The following TRAM2 variants were observed in gnomAD, a reference collection of about 807,000 sequenced individuals.
TRAM2 encodes the protein translocating chain-associated membrane protein 2.
Under a neutral mutation model 51.0 loss-of-function variants are expected in TRAM2, and 12 were observed. The ratio of observed to expected loss-of-function variants is 0.24; its 90% CI spans 0.15 to 0.38. The LOEUF (loss-of-function observed/expected upper bound fraction) is 0.38. TRAM2 is among the 10% of genes least tolerant of loss of function. The pLI, the probability that TRAM2 is intolerant of heterozygous loss-of-function variation, is 1.00. For missense variants in TRAM2, 361 were observed against 462.0 expected (o/e 0.78, Z 2.00); for synonymous variants, 175 against 179.4 (o/e 0.98, Z 0.20).
chr6:52,518,361 G>A (rs80015333), intron 2 of TRAM2, among the ~76,000 whole-genome samples: 4,808 of 152,310 alleles, frequency 0.032, 109 homozygotes, highest in Non-Finnish European at 0.051. Flanking sequence ...GGTGAGCGGC[G>A]GGCTGCTGTG....
chr6:52,509,492 C>A, intron 5 of TRAM2, 36 bp downstream of exon 5: 1 of 1,607,296 alleles, frequency 6.2e-7, no homozygotes, highest in South Asian at 1.1e-5. Flanking sequence ...TGGGCCCGGT[C>A]GCTCCTCCCT....
chr6:52,507,685 G>A (rs999114332), intron 6 of TRAM2, 62 bp from the exon 7 acceptor site: 43 of 1,545,284 alleles, frequency 2.8e-5, no homozygotes, highest in Non-Finnish European at 3.7e-5. Flanking sequence ...TCAGGGAAGG[G>A]GGAAAAGTGC....
chr6:52,515,939 A>C, intron 4 of TRAM2, 67 bp downstream of exon 4: 1 of 1,372,074 alleles, frequency 7.3e-7, no homozygotes, highest in South Asian at 1.2e-5. Context: ...TTTGATTAGC[A>C]ATCCCAGAGC....
At chr6:52,541,455 T>C (rs1321982074) in intron 1 of TRAM2, among the ~76,000 whole-genome samples, 1 of 152,182 alleles carries the variant, frequency 6.6e-6, no homozygotes, top group Non-Finnish European at 1.5e-5. Flanking sequence ...AAGGTAAACT[T>C]TACCTGATTC....
chr6:52,552,786 A>G (rs547833487), intron 1 of TRAM2, among the ~76,000 whole-genome samples: 73 of 152,242 alleles, frequency 4.8e-4, no homozygotes, highest in Middle Eastern at 3.4e-3. Flanking sequence ...ATCTTTACCT[A>G]CATAGTGCAT....
chr6:52,504,298 C>T (rs1204360947), intron 10 of TRAM2, among the ~76,000 whole-genome samples: 1 of 152,194 alleles, frequency 6.6e-6, no homozygotes, highest in Non-Finnish European at 1.5e-5. Context: ...CCAGAAGCCA[C>T]CCTGAGGACA....
chr6:52,505,761 G>A lies in TRAM2; in HGVS notation c.732-19C>T. 6.3e-7 allele frequency: 1 copy of A among 1,590,248 alleles called. No homozygotes were observed. Among genetic ancestry groups the A allele is most frequent in the Non-Finnish European group, 8.6e-7 (1 of 1,166,688 alleles). On this transcript the variant is annotated intron_variant, in intron 8 of 10. Transcript: ENST00000182527. ...ACTGAACCTGCTCACAGAGGCAGAA[G>A]AGGGATGTCAGTCTTTAGCGCCCTT...
intron 7 of TRAM2, among the ~76,000 whole-genome samples, chr6:52,506,662 G>A (rs186902117): frequency 1.2e-4 from 19 of 152,230 alleles, no homozygotes; most frequent in South Asian, 2.1e-4. Context: ...TCTTAGACCC[G>A]TTATGCATGT....
chr6:52,503,482 A>T (rs1363124181), intron 10 of TRAM2, among the ~76,000 whole-genome samples: 1 of 151,984 alleles, frequency 6.6e-6, no homozygotes, highest in East Asian at 1.9e-4. Flanking sequence ...GCCCTGGACT[A>T]GTGGCCCTGT....
intron 6 of TRAM2, 76 bp from the exon 7 acceptor site, chr6:52,507,699 G>A (rs545720383): frequency 1.4e-6 from 2 of 1,468,694 alleles, no homozygotes; most frequent in East Asian, 2.3e-5. Flanking sequence ...AAAGTGCAGG[G>A]GGATGAGAGA....
chr6:52,557,201 A>G (rs540189890), intron 1 of TRAM2, among the ~76,000 whole-genome samples: 6 of 152,224 alleles, frequency 3.9e-5, no homozygotes, highest in Admixed American at 2.6e-4. Flanking sequence ...TCAAAAAAAA[A>G]AGATATGTCT....
At position 52,503,290 on chromosome 6, in the gene TRAM2, A is replaced by G. The variant is rs1177573056; in HGVS notation, c.1040-20T>C. The G allele has an allele frequency of 1.9e-6, 3 of 1,609,666 alleles. No homozygotes were observed. Among genetic ancestry groups the G allele is most frequent in the East Asian group, 2.2e-5 (1 of 44,850 alleles). On this transcript the variant is annotated intron_variant, in intron 10 of 10. Transcript: ENST00000182527. ...GGTAACCTGGGAAGTGGAGAGAGACAAGCATACATGGTGTTTCTGCTGGAG... is the reference window on the plus strand; with the variant it reads ...GGTAACCTGGGAAGTGGAGAGAGACGAGCATACATGGTGTTTCTGCTGGAG...
chr6:52,547,145 G>A (rs1197439243), intron 1 of TRAM2, among the ~76,000 whole-genome samples: 1 of 152,240 alleles, frequency 6.6e-6, no homozygotes, highest in African/African-American at 2.4e-5. Context: ...GGGAGCTAGA[G>A]AGGAGTGGAC....
chr6:52,506,235 G>T, intron 7 of TRAM2, 99 bp from the exon 8 acceptor site: 1 of 1,115,742 alleles, frequency 9.0e-7, no homozygotes, highest in South Asian at 1.3e-5. Flanking sequence ...GCCTGGCTGG[G>T]CTCTGCTTTC....
intron 1 of TRAM2, among the ~76,000 whole-genome samples, chr6:52,547,070 G>A (rs1410529526): frequency 6.6e-6 from 1 of 152,188 alleles, no homozygotes; most frequent in Non-Finnish European, 1.5e-5. Context: ...TGGAGTGGGA[G>A]TGTGGAGACA....
At chr6:52,540,696 C>T (rs141839251) in intron 1 of TRAM2, among the ~76,000 whole-genome samples, 107 of 152,326 alleles carry the variant, frequency 7.0e-4, no homozygotes, top group African/African-American at 2.4e-3. Flanking sequence ...GTTCCTGTAG[C>T]ACACAGGGCT....
At chr6:52,562,664 C>A (rs1051503212) in intron 1 of TRAM2, among the ~76,000 whole-genome samples, 1 of 152,122 alleles carries the variant, frequency 6.6e-6, no homozygotes, top group East Asian at 1.9e-4. Flanking sequence ...CACCCATCAA[C>A]CTGTCACCTA....
In TRAM2 at chr6:52,499,535, T is replaced by A. The variant is rs532277966; in HGVS notation, c.*3662A>T. ...TTCCAATTAAAGCATCCATGGAAGA[T>A]AAGAATTTTGTTGTGGAATCCTGGG... On this transcript the variant is annotated 3_prime_UTR_variant, in exon 11 of 11. Coordinates refer to ENST00000182527, the MANE Select transcript of TRAM2 (RefSeq NM_012288.4). 2.6e-5 allele frequency: 4 copies of A among 152,262 alleles called. No homozygotes were observed. In the East Asian group the frequency reaches 7.7e-4, roughly 29 times the overall value. 9.4% of individuals were successfully genotyped at this position (152,262 alleles called of 1,614,324 possible). A position where few individuals can be genotyped will look rare whatever the true frequency, so the allele number is the denominator to read the frequency against.
chr6:52,521,981 C>T (rs1436488736), intron 2 of TRAM2, among the ~76,000 whole-genome samples: 1 of 152,184 alleles, frequency 6.6e-6, no homozygotes. Flanking sequence ...GGGGGGAGCA[C>T]AAATGAGCCA....
Sources: allele counts gnomAD v4.1 joint callset (sites outside exome capture counted in the v4.1 genomes callset), GRCh38; gene constraint gnomAD v4.1.1; transcripts MANE v1.5; gene names NCBI Gene and HGNC (gene_info 2026-07-23, HGNC 2026-07-21).